The following OGA variants were observed in gnomAD, a reference collection of about 807,000 sequenced individuals.
The protein encoded by OGA is protein O-GlcNAcase.
OGA carries 21 observed loss-of-function variants against 102.0 expected under a neutral mutation model. The observed-to-expected ratio is 0.21, with a 90% confidence interval of 0.15 to 0.30. The LOEUF (loss-of-function observed/expected upper bound fraction) is 0.30, where lower values mean the gene tolerates loss of function less well. Ranked by LOEUF, OGA falls within the 10% of genes least tolerant of loss-of-function variation. The probability of loss-of-function intolerance (pLI) is 1.00; values close to 1 mark genes in which losing one functional copy is unlikely to be tolerated. For synonymous variants in OGA, 408 were observed against 378.2 expected (o/e 1.08, Z -0.91); for missense variants, 765 against 1,107.8 (o/e 0.69, Z 4.39).
intron 1 of OGA, among the ~76,000 whole-genome samples, chr10:101,813,849 G>A (rs2065588120): frequency 6.6e-6 from 1 of 151,978 alleles, no homozygotes; most frequent in Non-Finnish European, 1.5e-5. Context: ...CATGACATTA[G>A]TTACTTAGGT....
At position 101,785,060 on chromosome 10, in the gene OGA, C is replaced by G. The variant is rs543552786; in HGVS notation, c.*1391G>C. 1 of 152,308 alleles carries G rather than the reference C, an allele frequency of 6.6e-6. No homozygotes were observed. Among genetic ancestry groups the G allele is most frequent in the East Asian group, 1.9e-4 (1 of 5,190 alleles). 9.4% of individuals were successfully genotyped at this position (152,308 alleles called of 1,614,324 possible). On this transcript the variant is annotated 3_prime_UTR_variant, in exon 16 of 16. Transcript: ENST00000361464. The stretch of plus-strand genomic sequence containing the variant: ...TGTGAAAGAAAACTTAAGTTTCTTT[C>G]TCTTTACCCCTCTCCCCTCACTCAG...
chr10:101,803,946 T>C lies in OGA; in HGVS notation c.825A>G (p.Pro275=), dbSNP rs145456849. The change falls in exon 7 of 16, where the codon CCA becomes CCG. Residue 275 remains proline (P), a synonymous_variant. Transcript: ENST00000361464. ...TAGCATGAATGTTATCCCAGATTAC[T>C]GGAGCTCTCTTAATAATCTTAGAAA... ...EEVSKIIKRA[P]VIWDNIHAND... The C allele has an allele frequency of 6.2e-6, 10 of 1,613,922 alleles. No homozygotes were observed. The East Asian group carries it at 1.8e-4, about 29-fold the overall frequency.
chr10:101,789,631 T>C (rs1424383379), intron 14 of OGA, among the ~76,000 whole-genome samples: 2 of 152,012 alleles, frequency 1.3e-5, no homozygotes, highest in Non-Finnish European at 2.9e-5. Context: ...GGTCCAAATA[T>C]CTTATTTACT....
At chr10:101,815,446 G>C (rs2065609372) in intron 1 of OGA, among the ~76,000 whole-genome samples, 2 of 151,966 alleles carry the variant, frequency 1.3e-5, no homozygotes, top group Non-Finnish European at 2.9e-5. Context: ...CACCACGCCC[G>C]GCTAATTTTT....
chr10:101,790,485 C>T (rs1034489916), intron 14 of OGA, among the ~76,000 whole-genome samples: 4 of 151,926 alleles, frequency 2.6e-5, no homozygotes, highest in African/African-American at 7.3e-5. Context: ...CCACGTTGGC[C>T]GGGCTGGTCT....
chr10:101,796,297 T>C (rs1441295016), intron 10 of OGA, among the ~76,000 whole-genome samples: 1 of 152,124 alleles, frequency 6.6e-6, no homozygotes, highest in Admixed American at 6.6e-5. Flanking sequence ...AGTCTCGCTC[T>C]GTCACCCAGG....
At chr10:101,795,449 G>C (rs2065303312) in intron 10 of OGA, among the ~76,000 whole-genome samples, 1 of 152,228 alleles carries the variant, frequency 6.6e-6, no homozygotes, top group Non-Finnish European at 1.5e-5. Flanking sequence ...CCATCCAATA[G>C]TAGTAGACAC....
In OGA at chr10:101,817,917, C is replaced by T; in HGVS notation, c.106G>A (p.Ala36Thr). The T allele has an allele frequency of 6.3e-7, 1 of 1,575,400 alleles. No homozygotes were observed. Among genetic ancestry groups the T allele is most frequent in the Non-Finnish European group, 8.6e-7 (1 of 1,163,102 alleles). Residue 36 changes from alanine to threonine, a missense_variant, in exon 1 of 16, where the codon GCA (alanine) becomes ACA (threonine). Coordinates refer to ENST00000361464, the MANE Select transcript of OGA (RefSeq NM_012215.5). Reference protein sequence around the residue: ...GASLEPPAAPAPGEDNPAGAG... With the variant: ...GASLEPPAAPTPGEDNPAGAG... ...CCGGCGGGGTTGTCTTCTCCGGGTG[C>T]CGGAGCTGCCGGCGGCTCCAGCGAT...
Position 101,817,705 on chromosome 10 carries a change from C to T in OGA, c.199+119G>A, listed in dbSNP as rs796925400. 59 of 1,155,134 alleles carry T rather than the reference C, an allele frequency of 5.1e-5. No individual in the cohort carries two copies. In the African/African-American group the frequency reaches 8.6e-4, roughly 17 times the overall value. 71.6% of individuals were successfully genotyped at this position (1,155,134 alleles called of 1,614,324 possible). On this transcript the variant is annotated intron_variant, in intron 1 of 15. Coordinates refer to ENST00000361464, the MANE Select transcript of OGA (RefSeq NM_012215.5). The stretch of plus-strand genomic sequence containing the variant: ...CGTCTCTCCCCTCGCTTTAGGAGGG[C>T]CACATTTCAGACCCAGAGGCTTTCC...
chr10:101,803,715 A>T lies in OGA; in HGVS notation c.1036+20T>A. On this transcript the variant is annotated intron_variant, in intron 7 of 15. Transcript: ENST00000361464. Reference sequence around the variant, plus strand: ...CCCAGCTCTCCTCCCAAGGTGAAAGATCAAGTACAGGCTACTTACTCATCA... The same window carrying T: ...CCCAGCTCTCCTCCCAAGGTGAAAGTTCAAGTACAGGCTACTTACTCATCA... 2.5e-6 allele frequency: 4 copies of T among 1,602,720 alleles called. No homozygotes were observed. Among genetic ancestry groups the T allele is most frequent in the Non-Finnish European group, 3.4e-6 (4 of 1,170,944 alleles).
At chr10:101,817,564 GCCT>G (rs903447341) in intron 1 of OGA, among the ~76,000 whole-genome samples, 1 of 152,100 alleles carries the variant, frequency 6.6e-6, no homozygotes. Context: ...CTTAACCACC[GCCT>G]CCTTAGGAGG....
In OGA at chr10:101,798,142, G is replaced by A. The variant is rs1290232120; in HGVS notation, c.1822C>T (p.Arg608Trp). 1.9e-6 allele frequency: 3 copies of A among 1,613,496 alleles called. No homozygotes were observed. Among genetic ancestry groups the A allele is most frequent in the Non-Finnish European group, 1.7e-6 (2 of 1,179,868 alleles). The change falls in exon 10 of 16, where the codon CGG (arginine) becomes TGG (tryptophan). Residue 608 changes from arginine (R) to tryptophan (W), a missense_variant. Arg to Trp is a moderately radical substitution (Grantham distance 101, BLOSUM62 -3). Coordinates refer to ENST00000361464, the MANE Select transcript of OGA (RefSeq NM_012215.5). ...TCTTCAAACTTGGCTGCTCGTGACC[G>A]CCATTCTTCAATCTATTGAAGATCA... ...GKDSEKIEEW[R>W]SRAAKFEEMC...
chr10:101,786,293 C>CT lies in OGA; in HGVS notation c.*157dup. ...TATATTCTTCCAACCAGTGAGTAGTCTCAAAGTGTGATGGGTGAGTTTTAC... is the reference window on the plus strand; with the variant it reads ...TATATTCTTCCAACCAGTGAGTAGTCTTCAAAGTGTGATGGGTGAGTTTTAC... On this transcript the variant is annotated 3_prime_UTR_variant, in exon 16 of 16. Transcript: ENST00000361464. The CT allele has an allele frequency of 1.5e-6, 1 of 674,012 alleles. No homozygotes were observed. The highest frequency in any genetic ancestry group is 3.7e-5 in the South Asian group (1 of 27,010). The allele number at this position is 674,012 out of a possible 1,614,324, so 41.8% of individuals were successfully genotyped here.
chr10:101,800,275 A>C lies in OGA; in HGVS notation c.1162T>G (p.Leu388Val), dbSNP rs755204627. The C allele has an allele frequency of 1.2e-6, 2 of 1,614,136 alleles. No homozygotes were observed. The highest frequency in any genetic ancestry group is 1.7e-6 in the Non-Finnish European group (2 of 1,179,996). The change falls in exon 8 of 16, where the codon TTG becomes GTG. Residue 388 changes from leucine (L) to valine (V), a missense_variant. Around this residue, in one of 7 missense-constraint regions of OGA, gnomAD observed 281 missense variants for 345.8 expected, o/e 0.81. Transcript: ENST00000361464. Reference sequence around the variant, plus strand: ...TGATGAGGCACACCAAACTCTTGCAACCATTCTGTTAATGCTAGCTTTAGA... The same window carrying C: ...TGATGAGGCACACCAAACTCTTGCACCCATTCTGTTAATGCTAGCTTTAGA... ...MALKLALTEW[L>V]QEFGVPHQYS...
intron 7 of OGA, among the ~76,000 whole-genome samples, chr10:101,801,395 A>G (rs939188638): frequency 1.6e-4 from 23 of 142,354 alleles, no homozygotes; most frequent in African/African-American, 4.1e-4. Flanking sequence ...TCCGTCTCAG[A>G]AAAAAAAAAA....
At chr10:101,790,265 GTTTTTTTTTTTTTTTT>G (rs869235919) in intron 14 of OGA, among the ~76,000 whole-genome samples, 8 of 86,392 alleles carry the variant, frequency 9.3e-5, no homozygotes, top group Non-Finnish European at 1.5e-4. Context: ...ATAATATCTT[GTTTTTTTTTTTTTTTT>G]TTTTTTTTTG....
At chr10:101,799,964 C>T (rs1269022484) in intron 8 of OGA, among the ~76,000 whole-genome samples, 2 of 152,092 alleles carry the variant, frequency 1.3e-5, no homozygotes, top group Non-Finnish European at 2.9e-5. Context: ...CCTCTGCCTC[C>T]CAGGTTGAGG....
In OGA at chr10:101,787,422, A is replaced by C; in HGVS notation, c.2556T>G (p.Thr852=). 6.2e-7 allele frequency: 1 copy of C among 1,614,160 alleles called. No homozygotes were observed. ...TCATGCTTTTGGCCACACTTGGGTCAGTTACTTTTTTGTGAATGTCCATCT... is the reference window on the plus strand; with the variant it reads ...TCATGCTTTTGGCCACACTTGGGTCCGTTACTTTTTTGTGAATGTCCATCT... ...LIKMDIHKKV[T]DPSVAKSMMA... The change falls in exon 15 of 16, where the codon ACT becomes ACG. Residue 852 remains threonine (T), a synonymous_variant. Transcript: ENST00000361464.
intron 4 of OGA, 129 bp downstream of exon 4, chr10:101,810,055 A>G (rs2135086995): frequency 9.7e-7 from 1 of 1,029,074 alleles, no homozygotes. Context: ...CAAAAAACAA[A>G]ACAAACAAAC....
Sources: gnomAD v4.1 joint callset for allele counts (sites outside exome capture counted in the v4.1 genomes callset) on GRCh38, gnomAD v4.1.1 for gene constraint, gnomAD v4.1.1 regional missense constraint, MANE v1.5 for transcripts, NCBI Gene and HGNC (gene_info 2026-07-23, HGNC 2026-07-21) for gene names.